The following WDR55 variants were observed in gnomAD, a reference collection of about 807,000 sequenced individuals.
WDR55 encodes the protein WD repeat domain 55, also known as WD repeat-containing protein 55.
Under a neutral mutation model 34.0 loss-of-function variants are expected in WDR55, and 31 were observed. The observed-to-expected ratio is 0.91, with a 90% CI of 0.69 to 1.23. The LOEUF (loss-of-function observed/expected upper bound fraction) is 1.23. Ranked by LOEUF, WDR55 falls within the 50% of genes most tolerant of loss-of-function variation. The pLI is 0.00. For missense variants in WDR55, 440 were observed against 494.6 expected (o/e 0.89, Z 1.05); for synonymous variants, 164 against 185.9 (o/e 0.88, Z 0.96).
At position 140,669,223 on chromosome 5, in the gene WDR55, A is replaced by C. The variant is rs781172572; in HGVS notation, c.805A>C (p.Thr269Pro). The C allele has an allele frequency of 3.7e-6, 6 of 1,613,638 alleles. No homozygotes were observed. Among genetic ancestry groups the C allele is most frequent in the Non-Finnish European group, 4.2e-6 (5 of 1,180,004 alleles). ...TCCAGTCACCGAGAGTCTGCTGTGTACTGGCTCCACTGATGGAGTCATCAG... is the reference window on the plus strand; with the variant it reads ...TCCAGTCACCGAGAGTCTGCTGTGTCCTGGCTCCACTGATGGAGTCATCAG... ...MVPVTESLLCTGSTDGVIRAV... is the reference protein window; with the variant it reads ...MVPVTESLLCPGSTDGVIRAV... Residue 269 changes from threonine (T) to proline (P), a missense_variant, in exon 6 of 7, where the codon ACT becomes CCT. By Grantham distance (38) the Thr-to-Pro change is conservative. Transcript: ENST00000358337.
chr5:140,671,790 T>C lies in WDR55; in HGVS notation c.*2136T>C. The C allele has an allele frequency of 6.4e-7, 1 of 1,550,704 alleles. No individual in the cohort carries two copies. The highest frequency in any genetic ancestry group is 8.7e-7 in the Non-Finnish European group (1 of 1,146,026). The stretch of plus-strand genomic sequence containing the variant: ...CAAAGACAAGGGCAGGTCTAAACCC[T>C]GGGCCCAAGCCTCCAGGTGGTGAGC... On this transcript the variant is annotated 3_prime_UTR_variant, in exon 7 of 7. Coordinates refer to ENST00000358337, the MANE Select transcript of WDR55 (RefSeq NM_017706.5).
chr5:140,666,751 T>C (rs929867500), intron 1 of WDR55: 6 of 985,328 alleles, frequency 6.1e-6, no homozygotes, highest in Non-Finnish European at 7.2e-6. Flanking sequence ...ATTGTGTACA[T>C]GTACACAAAA....
Position 140,668,263 on chromosome 5 carries a change from C to T in WDR55, c.221C>T (p.Thr74Ile), listed in dbSNP as rs1263485164. Residue 74 changes from threonine (T) to isoleucine (I), a missense_variant, in exon 2 of 7, where the codon ACC becomes ATC. Transcript: ENST00000358337. ...TCCTACTCTTGCCAAGAGGGAGAAA[C>T]CAAGGAGCTCTGGTCATCAGGTCAC... ...VFSYSCQEGE[T>I]KELWSSGHHL... 1.9e-6 allele frequency: 3 copies of T among 1,611,910 alleles called. No homozygotes were observed. In the South Asian group the frequency reaches 3.3e-5, roughly 18 times the overall value.
At position 140,671,755 on chromosome 5, in the gene WDR55, AG is replaced by A; in HGVS notation, c.*2103del. 1 of 1,566,238 alleles carries A rather than the reference AG, an allele frequency of 6.4e-7. No individual in the cohort carries two copies. Among genetic ancestry groups the A allele is most frequent in the Non-Finnish European group, 8.7e-7 (1 of 1,154,640 alleles). On this transcript the variant is annotated 3_prime_UTR_variant, in exon 7 of 7. Transcript: ENST00000358337. ...CTCCACAGAGGTGTGACTGCCCTGTAGGAAAAATGCAAAGACAAGGGCAGGT... is the reference window on the plus strand; with the variant it reads ...CTCCACAGAGGTGTGACTGCCCTGTAGAAAAATGCAAAGACAAGGGCAGGT...
chr5:140,671,490 A>G lies in WDR55; in HGVS notation c.*1836A>G. On this transcript the variant is annotated 3_prime_UTR_variant, in exon 7 of 7. Transcript: ENST00000358337. ...TGCCCAGGAATCACCACCTGGTACC[A>G]GAAGCGGTGCCAGCCAGCAGGTCCT... 1 of 1,599,360 alleles carries G rather than the reference A, an allele frequency of 6.3e-7. No homozygotes were observed. The highest frequency in any genetic ancestry group is 1.7e-5 in the Admixed American group (1 of 57,226).
chr5:140,665,249 A>G (rs1310794212), intron 1 of WDR55, 146 bp downstream of exon 1: 4 of 687,514 alleles, frequency 5.8e-6, no homozygotes, highest in Admixed American at 6.3e-5. Flanking sequence ...CGGCTCTTCT[A>G]TCACACCAAT....
chr5:140,665,726 A>T (rs994239184), intron 1 of WDR55, among the ~76,000 whole-genome samples: 1 of 152,188 alleles, frequency 6.6e-6, no homozygotes, highest in Non-Finnish European at 1.5e-5. Flanking sequence ...TTCAAACCAC[A>T]AATCTTGGCT....
chr5:140,668,555 C>CA, intron 3 of WDR55, 53 bp downstream of exon 3: 2 of 1,610,196 alleles, frequency 1.2e-6, no homozygotes, highest in South Asian at 1.1e-5. Flanking sequence ...GGGTAAGGAC[C>CA]AGGAGGTCCC....
Position 140,671,553 on chromosome 5 carries a change from G to C in WDR55, c.*1899G>C. On this transcript the variant is annotated 3_prime_UTR_variant, in exon 7 of 7. Coordinates refer to ENST00000358337, the MANE Select transcript of WDR55 (RefSeq NM_017706.5). ...TTGGTGAGGAACACAGGGCTGCCCAGCTTCATTCGTTGGCACAGCAACTGC... is the reference window on the plus strand; with the variant it reads ...TTGGTGAGGAACACAGGGCTGCCCACCTTCATTCGTTGGCACAGCAACTGC... 2 of 1,567,494 alleles carry C rather than the reference G, an allele frequency of 1.3e-6. No individual in the cohort carries two copies. The highest frequency in any genetic ancestry group is 1.4e-5 in the African/African-American group (1 of 73,672).
In WDR55 at chr5:140,669,447, T is replaced by C. The variant is rs1369802970; in HGVS notation, c.945T>C (p.His315=). 6.2e-7 allele frequency: 1 copy of C among 1,614,020 alleles called. No individual in the cohort carries two copies. Among genetic ancestry groups the C allele is most frequent in the African/African-American group, 1.3e-5 (1 of 74,934 alleles). Residue 315 remains histidine, a synonymous_variant, in exon 7 of 7, where the codon CAT becomes CAC. Coordinates refer to ENST00000358337, the MANE Select transcript of WDR55 (RefSeq NM_017706.5). ...HCGRFLASSG[H]DQRLKFWDMA... ...GCCGCTTCCTGGCCAGTAGTGGCCA[T>C]GACCAGCGCCTCAAGTTTTGGGACA... is the stretch of plus-strand genomic sequence containing the variant.
intron 1 of WDR55, 39 bp downstream of exon 1, chr5:140,665,142 C>T (rs888115748): frequency 1.3e-6 from 2 of 1,533,472 alleles, no homozygotes; most frequent in Non-Finnish European, 1.8e-6. Flanking sequence ...GGTCTGGAAG[C>T]TTCCCGGGGG....
At chr5:140,666,265 G>A (rs1290990730) in intron 1 of WDR55, among the ~76,000 whole-genome samples, 2 of 151,620 alleles carry the variant, frequency 1.3e-5, no homozygotes, top group African/African-American at 2.4e-5. Context: ...GTGTGGTGGC[G>A]GGCACCTGTA....
rs771204581 is a variant in WDR55, at chr5:140,669,243, C to T, written c.825C>T (p.Val275=). ...TGTGTACTGGCTCCACTGATGGAGT[C>T]ATCAGGTGAGGGAAGCCTGGACAGC... ...SLLCTGSTDG[V]IRAVNILPNR... The change falls in exon 6 of 7, where the codon GTC becomes GTT. Residue 275 remains valine, a synonymous_variant. Coordinates refer to ENST00000358337, the MANE Select transcript of WDR55 (RefSeq NM_017706.5). 2.0e-5 allele frequency: 32 copies of T among 1,613,582 alleles called. No homozygotes were observed. Among genetic ancestry groups the T allele is most frequent in the Non-Finnish European group, 2.5e-5 (29 of 1,180,008 alleles).
At position 140,671,782 on chromosome 5, in the gene WDR55, C is replaced by A; in HGVS notation, c.*2128C>A. Reference sequence around the variant, plus strand: ...GAAAAATGCAAAGACAAGGGCAGGTCTAAACCCTGGGCCCAAGCCTCCAGG... The same window carrying A: ...GAAAAATGCAAAGACAAGGGCAGGTATAAACCCTGGGCCCAAGCCTCCAGG... On this transcript the variant is annotated 3_prime_UTR_variant, in exon 7 of 7. Transcript: ENST00000358337. 6.4e-7 allele frequency: 1 copy of A among 1,553,010 alleles called. No individual in the cohort carries two copies. The highest frequency in any genetic ancestry group is 1.2e-5 in the South Asian group (1 of 84,084).
rs775582051 is a variant in WDR55 at position 140,671,364 on chromosome 5, C to A, written c.*1710C>A. The A allele has an allele frequency of 1.2e-6, 2 of 1,612,822 alleles. No individual in the cohort carries two copies. The highest frequency in any genetic ancestry group is 1.7e-5 in the Admixed American group (1 of 60,024). On this transcript the variant is annotated 3_prime_UTR_variant, in exon 7 of 7. Transcript: ENST00000358337. The stretch of plus-strand genomic sequence containing the variant: ...AGGTTGGCCCCAGACTCACTGAGTG[C>A]CTGCAGCAGCCGTACAGACACAGCA...
intron 1 of WDR55, 149 bp downstream of exon 1, chr5:140,665,252 A>G: frequency 1.4e-6 from 1 of 693,866 alleles, no homozygotes; most frequent in Non-Finnish European, 2.3e-6. Context: ...CTCTTCTATC[A>G]CACCAATCTG....
At position 140,672,032 on chromosome 5, in the gene WDR55, GC is replaced by G. The variant is rs1758091094; in HGVS notation, c.*2379del. On this transcript the variant is annotated 3_prime_UTR_variant, in exon 7 of 7. Transcript: ENST00000358337. ...TGGCTAATCTTTACTGGGAAAACTT[GC>G]TGTAAGTCAGTCAGTGTGCTAAGTA... is the stretch of plus-strand genomic sequence containing the variant. The G allele has an allele frequency of 3.5e-6, 2 of 577,232 alleles. No homozygotes were observed. Among genetic ancestry groups the G allele is most frequent in the Non-Finnish European group, 6.2e-6 (2 of 323,708 alleles). The allele number at this position is 577,232 out of a possible 1,614,324, so 35.8% of individuals were successfully genotyped here.
In WDR55 at chr5:140,668,936, T is replaced by A. The variant is rs750774986; in HGVS notation, c.606T>A (p.Phe202Leu). ...LGIFNIKRRR[F>L]ELLSEPQSGD... ...TCTTCAACATTAAGAGGCGTCGGTT[T>A]GAGCTGCTCTCAGAACCTCAGTCTG... Residue 202 changes from phenylalanine to leucine, a missense_variant, in exon 5 of 7, where the codon TTT (phenylalanine) becomes TTA (leucine). Physicochemically the swap from Phe to Leu is conservative, Grantham distance 22. Coordinates refer to ENST00000358337, the MANE Select transcript of WDR55 (RefSeq NM_017706.5). 35 of 1,614,232 alleles carry A rather than the reference T, an allele frequency of 2.2e-5. No individual in the cohort carries two copies. The South Asian group carries it at 3.7e-4, about 17-fold the overall frequency.
rs1758031677 is a variant in WDR55, at chr5:140,669,941, C to G, written c.*287C>G. 1 of 300,514 alleles carries G rather than the reference C, an allele frequency of 3.3e-6. No individual in the cohort carries two copies. Among genetic ancestry groups the G allele is most frequent in the Non-Finnish European group, 6.3e-6 (1 of 159,598 alleles). 18.6% of individuals were successfully genotyped at this position (300,514 alleles called of 1,614,324 possible). A position where few individuals can be genotyped will look rare whatever the true frequency, so the allele number is the denominator to read the frequency against. On this transcript the variant is annotated 3_prime_UTR_variant, in exon 7 of 7. Coordinates refer to ENST00000358337, the MANE Select transcript of WDR55 (RefSeq NM_017706.5). ...TAGAAACGGGTCTGTTTTGCCCAGG[C>G]TGGTCTTCAACTCCTGGACTCAAAT... is the stretch of plus-strand genomic sequence containing the variant.
Sources: gnomAD v4.1 joint callset for allele counts (sites outside exome capture counted in the v4.1 genomes callset) on GRCh38, gnomAD v4.1.1 for gene constraint, MANE v1.5 for transcripts, NCBI Gene and HGNC (gene_info 2026-07-23, HGNC 2026-07-21) for gene names.